PYROXD2: variants seen among roughly 807,000 people sequenced by gnomAD.
PYROXD2 encodes pyridine nucleotide-disulphide oxidoreductase domain 2, also known as pyridine nucleotide-disulfide oxidoreductase domain-containing protein 2.
A neutral mutation model predicts 71.1 loss-of-function variants in PYROXD2; 69 were observed. The observed-to-expected ratio is 0.97, with a 90% CI of 0.80 to 1.19. The LOEUF is 1.19. Ranked by LOEUF, PYROXD2 falls within the 50% of genes most tolerant of loss-of-function variation. PYROXD2 has a pLI of 0.00. For missense variants in PYROXD2, 745 were observed against 748.9 expected, an observed-to-expected ratio of 0.99 and a Z score of 0.06; for synonymous variants, 287 against 302.7, an observed-to-expected ratio of 0.95 and a Z score of 0.54.
Position 98,390,626 on chromosome 10 carries a change from C to G in PYROXD2, c.1264G>C (p.Asp422His). Residue 422 changes from aspartate to histidine, a missense_variant, in exon 12 of 16, where the codon GAT becomes CAT. Physicochemically the swap from Asp to His is moderately conservative, Grantham distance 81. Coordinates refer to ENST00000370575, the MANE Select transcript of PYROXD2 (RefSeq NM_032709.3). ...TGGGAAGGCAGGCCATCCATGGCAT[C>G]TTCAAAGGCCTGATGAAGGAGGAGG... The part of the protein sequence containing the change: ...DTLLLHQAFE[D>H]AMDGLPSHRP... 3 of 1,605,692 alleles carry G rather than the reference C, an allele frequency of 1.9e-6. No individual in the cohort carries two copies. In the South Asian group the frequency reaches 3.3e-5, roughly 18 times the overall value.
Position 98,395,441 on chromosome 10 carries a change from C to T in PYROXD2, c.637G>A (p.Gly213Arg), listed in dbSNP as rs762785098. Residue 213 changes from glycine to arginine, a missense_variant, in exon 7 of 16, where the codon GGA becomes AGA. By Grantham distance (125) the Gly-to-Arg change is moderately radical. Transcript: ENST00000370575. ...KPLLKAGRIL[G>R]AQLPRYYEVL... ...TCATAATATCGGGGAAGCTGGGCTC[C>T]CAGGATGCGGCCTACAAGAGAAGAT... 6.2e-7 allele frequency: 1 copy of T among 1,614,100 alleles called. No individual in the cohort carries two copies.
At chr10:98,397,221 C>T in intron 6 of PYROXD2, 124 bp downstream of exon 6, 1 of 1,311,554 alleles carries the variant, frequency 7.6e-7, no homozygotes, top group Non-Finnish European at 1.0e-6. Context: ...TTGATCGCAG[C>T]ATGTTAACTG....
At chr10:98,393,120 G>A in intron 8 of PYROXD2, 37 bp from the exon 9 acceptor site, 1 of 1,466,338 alleles carries the variant, frequency 6.8e-7, no homozygotes, top group South Asian at 1.4e-5. Flanking sequence ...CCTGGAGGTG[G>A]GATCTCATCT....
Position 98,392,450 on chromosome 10 carries a change from G to A in PYROXD2, c.1044C>T (p.Phe348=). Residue 348 remains phenylalanine, a synonymous_variant, in exon 10 of 16, where the codon TTC becomes TTT. Transcript: ENST00000370575. The stretch of plus-strand genomic sequence containing the variant: ...GCCTCACCTGTGGCGTCAGCTTCAG[G>A]AAGGTGATCTGCGGTGATGTGTTGG... The part of the protein sequence containing the change: ...VLSNTSPQIT[F]LKLTPQEWLP... 1.2e-6 allele frequency: 2 copies of A among 1,613,684 alleles called. No individual in the cohort carries two copies. The highest frequency in any genetic ancestry group is 2.2e-5 in the East Asian group (1 of 44,884).
rs752705234 is a variant in PYROXD2, at chr10:98,410,813, G to A, written c.147+126C>T. On this transcript the variant is annotated intron_variant, in intron 2 of 15. Coordinates refer to ENST00000370575, the MANE Select transcript of PYROXD2 (RefSeq NM_032709.3). ...TCAGCACTGGAGAGCAGAGAGCATC[G>A]ACTAGGCTGCCTTTTCCTTCTCTCT... 7.9e-5 allele frequency: 112 copies of A among 1,415,776 alleles called. 1 individual carries two copies. Among genetic ancestry groups the A allele is most frequent in the South Asian group, 7.1e-4 (54 of 76,300 alleles). 87.7% of individuals were successfully genotyped at this position (1,415,776 alleles called of 1,614,324 possible). A position where few individuals can be genotyped will look rare whatever the true frequency, so the allele number is the denominator to read the frequency against.
intron 2 of PYROXD2, among the ~76,000 whole-genome samples, chr10:98,408,870 C>CTG: frequency 1.3e-5 from 2 of 152,140 alleles, no homozygotes; most frequent in African/African-American, 2.4e-5. Context: ...TTCCCACCAG[C>CTG]CAAGAGGTAG....
intron 15 of PYROXD2, 109 bp downstream of exon 15, chr10:98,384,838 C>G: frequency 2.8e-6 from 4 of 1,406,138 alleles, no homozygotes; most frequent in Non-Finnish European, 3.7e-6. Flanking sequence ...GTTCCCTGCT[C>G]CCCTCCCTCT....
intron 5 of PYROXD2, among the ~76,000 whole-genome samples, chr10:98,398,758 G>A (rs1843285541): frequency 6.6e-6 from 1 of 152,110 alleles, no homozygotes; most frequent in Non-Finnish European, 1.5e-5. Flanking sequence ...CCTCTGAGAT[G>A]GGTAGGATTT....
chr10:98,395,483 G>C (rs377734119), intron 6 of PYROXD2, 31 bp from the exon 7 acceptor site: 2 of 1,601,966 alleles, frequency 1.2e-6, no homozygotes, highest in Non-Finnish European at 1.7e-6. Flanking sequence ...AACAGAAGTT[G>C]AAACAGGTGA....
chr10:98,384,141 G>A (rs1375646503), intron 15 of PYROXD2, among the ~76,000 whole-genome samples: 1 of 151,618 alleles, frequency 6.6e-6, no homozygotes, highest in Non-Finnish European at 1.5e-5. Flanking sequence ...CGCTTAGTAA[G>A]TGAAGTTAAA....
chr10:98,406,944 A>G (rs1027289661), intron 4 of PYROXD2, among the ~76,000 whole-genome samples: 7 of 151,134 alleles, frequency 4.6e-5, no homozygotes, highest in Admixed American at 4.6e-4. Context: ...AGCTGCAGAT[A>G]GCACCAAGAA....
At chr10:98,391,231 A>G in intron 10 of PYROXD2, 149 bp from the exon 11 acceptor site, 1 of 640,966 alleles carries the variant, frequency 1.6e-6, no homozygotes, top group Non-Finnish European at 2.8e-6. Flanking sequence ...TCCCCTGTGA[A>G]GCCTTCCTAG....
At chr10:98,409,837 A>G (rs574195787) in intron 2 of PYROXD2, among the ~76,000 whole-genome samples, 2 of 152,268 alleles carry the variant, frequency 1.3e-5, no homozygotes, top group Admixed American at 1.3e-4. Context: ...CAGCACTTTC[A>G]GAGGCTGAGG....
intron 5 of PYROXD2, among the ~76,000 whole-genome samples, chr10:98,398,121 G>A (rs1253284723): frequency 2.6e-5 from 4 of 152,138 alleles, no homozygotes; most frequent in African/African-American, 9.7e-5. Flanking sequence ...GACCTCAAGT[G>A]ATCCGCCTGC....
chr10:98,394,336 G>C (rs1423685313), intron 8 of PYROXD2, among the ~76,000 whole-genome samples: 1 of 152,214 alleles, frequency 6.6e-6, no homozygotes, highest in Non-Finnish European at 1.5e-5. Flanking sequence ...TCACAGCTTG[G>C]CCAATGTGTG....
intron 12 of PYROXD2, among the ~76,000 whole-genome samples, chr10:98,390,328 C>T (rs908557120): frequency 6.6e-6 from 1 of 152,220 alleles, no homozygotes; most frequent in African/African-American, 2.4e-5. Flanking sequence ...TTCTCCTCTT[C>T]TTCCCCAGCC....
At chr10:98,392,830 C>A in intron 9 of PYROXD2, 112 bp downstream of exon 9, 1 of 1,267,960 alleles carries the variant, frequency 7.9e-7, no homozygotes. Flanking sequence ...TGCAACCCAT[C>A]CCCTCATGGC....
At chr10:98,398,085 G>A (rs919580550) in intron 5 of PYROXD2, among the ~76,000 whole-genome samples, 1 of 152,054 alleles carries the variant, frequency 6.6e-6, no homozygotes, top group African/African-American at 2.4e-5. Context: ...GTTTCACCAT[G>A]TTGGCCAGGC....
chr10:98,407,510 A>T, intron 4 of PYROXD2, 72 bp downstream of exon 4: 1 of 1,578,508 alleles, frequency 6.3e-7, no homozygotes, highest in Non-Finnish European at 8.6e-7. Flanking sequence ...CAGAACAGGG[A>T]CCCCCCACAC....
Sources: allele counts gnomAD v4.1 joint callset (sites outside exome capture counted in the v4.1 genomes callset), GRCh38; gene constraint gnomAD v4.1.1; transcripts MANE v1.5; gene names NCBI Gene and HGNC (gene_info 2026-07-23, HGNC 2026-07-21).